The following PCDHGA11 variants were observed in gnomAD, a reference collection of about 807,000 sequenced individuals.
PCDHGA11 encodes protocadherin gamma subfamily A, 11.
Under a neutral mutation model 60.4 loss-of-function variants are expected in PCDHGA11, and 39 were observed. That is an observed-to-expected ratio of 0.65 (90% CI 0.50 to 0.84). The LOEUF (loss-of-function observed/expected upper bound fraction) is 0.84, where lower values mean the gene tolerates loss of function less well. Ranked by LOEUF, PCDHGA11 falls within the 40% of genes least tolerant of loss-of-function variation. PCDHGA11 has a pLI of 0.00. For synonymous variants in PCDHGA11, 533 were observed against 510.3 expected, an observed-to-expected ratio of 1.04 and a Z score of -0.60; for missense variants, 1,165 against 1,197.7, an observed-to-expected ratio of 0.97 and a Z score of 0.40.
chr5:141,495,069 T>G (rs1179878936), intron 2 of PCDHGA11, among the ~76,000 whole-genome samples: 1 of 152,142 alleles, frequency 6.6e-6, no homozygotes, highest in African/African-American at 2.4e-5. Flanking sequence ...GGAAGCTCAA[T>G]TCACATGCTT....
At position 141,505,489 on chromosome 5, in the gene PCDHGA11, G is replaced by A. The variant is rs759637750; in HGVS notation, c.2581+8G>A. On this transcript the variant is annotated splice_region_variant and intron_variant, in intron 3 of 3. Coordinates refer to ENST00000398587, the MANE Select transcript of PCDHGA11 (RefSeq NM_018914.3). ...TCTTGGCGTCCGCCAGTGGTAAGTG[G>A]TGTCAGTGTGTGTATGGAAGAGTGG... The A allele has an allele frequency of 6.2e-7, 1 of 1,614,218 alleles. No homozygotes were observed. The highest frequency in any genetic ancestry group is 1.7e-5 in the Admixed American group (1 of 60,032).
intron 1 of PCDHGA11, chr5:141,478,196 C>T: frequency 6.2e-7 from 1 of 1,614,068 alleles, no homozygotes; most frequent in Middle Eastern, 1.6e-4. Context: ...CACCTTTTAT[C>T]TACTTCTTTC....
chr5:141,497,775 A>G (rs2099779384), intron 2 of PCDHGA11, among the ~76,000 whole-genome samples: 2 of 152,054 alleles, frequency 1.3e-5, no homozygotes, highest in South Asian at 4.2e-4. Context: ...CCCGACCTCA[A>G]CTGATCCACC....
At chr5:141,445,342 T>C (rs1026595756) in intron 1 of PCDHGA11, among the ~76,000 whole-genome samples, 4 of 152,202 alleles carry the variant, frequency 2.6e-5, no homozygotes, top group African/African-American at 9.6e-5. Flanking sequence ...ACAGTAAACA[T>C]TGGTGTCTGC....
chr5:141,484,552 G>T (rs2099597743), intron 1 of PCDHGA11, among the ~76,000 whole-genome samples: 1 of 152,138 alleles, frequency 6.6e-6, no homozygotes, highest in African/African-American at 2.4e-5. Context: ...CTAATTAGCA[G>T]TTGCTCCAAT....
intron 1 of PCDHGA11, among the ~76,000 whole-genome samples, chr5:141,484,170 A>G (rs962978452): frequency 6.6e-6 from 1 of 152,210 alleles, no homozygotes; most frequent in Non-Finnish European, 1.5e-5. Context: ...TTGGTAGCTG[A>G]TCTCAATCAT....
intron 2 of PCDHGA11, 40 bp from the exon 3 acceptor site, chr5:141,505,353 G>T (rs376781305): frequency 1.7e-5 from 27 of 1,613,426 alleles, no homozygotes; most frequent in Non-Finnish European, 2.0e-5. Flanking sequence ...GAGCTGTGCC[G>T]GCCTGGGAGT....
At chr5:141,481,844 G>A (rs552753850) in intron 1 of PCDHGA11, among the ~76,000 whole-genome samples, 7 of 151,350 alleles carry the variant, frequency 4.6e-5, no homozygotes, top group Admixed American at 1.3e-4. Context: ...TCGCTTGATG[G>A]TGGAGGTTGC....
At position 141,489,774 on chromosome 5, in the gene PCDHGA11, C is replaced by T; in HGVS notation, c.2434-5033C>T. The T allele has an allele frequency of 1.2e-6, 2 of 1,614,164 alleles. No homozygotes were observed. Among genetic ancestry groups the T allele is most frequent in the Non-Finnish European group, 8.5e-7 (1 of 1,179,998 alleles). On this transcript the variant is annotated intron_variant, in intron 1 of 3. Transcript: ENST00000398587. The surrounding 1 kb of genome is among the most constrained non-coding windows in gnomAD (Gnocchi z 4.5). The stretch of plus-strand genomic sequence containing the variant: ...ACACTCTAAGCCCCAACAGCCACTT[C>T]TCTCTGAATGTGAAGACCCTAAAAG...
At chr5:141,429,091 T>A (rs985605582) in intron 1 of PCDHGA11, 2 of 152,160 alleles carry the variant, frequency 1.3e-5, no homozygotes, top group African/African-American at 4.8e-5. Flanking sequence ...CCTGACCTCG[T>A]GATCTGCCCG....
Position 141,495,011 on chromosome 5 carries a change from G to A in PCDHGA11, c.2492+146G>A, listed in dbSNP as rs2099758277. On this transcript the variant is annotated intron_variant, in intron 2 of 3. Coordinates refer to ENST00000398587, the MANE Select transcript of PCDHGA11 (RefSeq NM_018914.3). ...CCAGGGAGGTCTTGGTGTGCGGGGG[G>A]CTGGCACACAGACCCCGGAAGGAAG... is the stretch of plus-strand genomic sequence containing the variant. 4.6e-6 allele frequency: 7 copies of A among 1,512,044 alleles called. No individual in the cohort carries two copies. In the East Asian group the frequency reaches 1.5e-4, roughly 32 times the overall value. 93.7% of individuals were successfully genotyped at this position (1,512,044 alleles called of 1,614,324 possible).
chr5:141,436,384 C>A lies in PCDHGA11; in HGVS notation c.2433+12724C>A, dbSNP rs1048094484. 2.6e-5 allele frequency among the ~76,000 whole-genome samples: 4 copies of A among 152,222 alleles called. 1 individual carries two copies. Among genetic ancestry groups the A allele is most frequent in the Non-Finnish European group, 4.4e-5 (3 of 67,978 alleles). On this transcript the variant is annotated intron_variant, in intron 1 of 3. Coordinates refer to ENST00000398587, the MANE Select transcript of PCDHGA11 (RefSeq NM_018914.3). The stretch of plus-strand genomic sequence containing the variant: ...ATGTTTCCAGTTTAAGCTGAATAGG[C>A]TTTATTAAATAGTTGTTGAATGAAT...
chr5:141,480,122 C>T (rs576224922), intron 1 of PCDHGA11, among the ~76,000 whole-genome samples: 1 of 151,948 alleles, frequency 6.6e-6, no homozygotes, highest in African/African-American at 2.4e-5. Flanking sequence ...CCTGGCATAT[C>T]ATAACTGTTA....
intron 1 of PCDHGA11, chr5:141,478,871 T>C: frequency 2.4e-6 from 3 of 1,274,796 alleles, no homozygotes; most frequent in Non-Finnish European, 3.1e-6. Flanking sequence ...GCGATCAGAG[T>C]TTAGCTTGGT....
At position 141,486,370 on chromosome 5, in the gene PCDHGA11, T is replaced by C. The variant is rs755925357; in HGVS notation, c.2434-8437T>C. Reference sequence around the variant, plus strand: ...ACCACTTGCCATTTGCCCTCAAGTCTGCCTTCAGGAACCAGTTCTCCCTGG... The same window carrying C: ...ACCACTTGCCATTTGCCCTCAAGTCCGCCTTCAGGAACCAGTTCTCCCTGG... On this transcript the variant is annotated intron_variant, in intron 1 of 3. Coordinates refer to ENST00000398587, the MANE Select transcript of PCDHGA11 (RefSeq NM_018914.3). The surrounding 1 kb of genome is among the most constrained non-coding windows in gnomAD (Gnocchi z 5.0). 8 of 1,613,988 alleles carry C rather than the reference T, an allele frequency of 5.0e-6. No individual in the cohort carries two copies. The Admixed American group carries it at 1.3e-4, about 27-fold the overall frequency.
intron 1 of PCDHGA11, among the ~76,000 whole-genome samples, chr5:141,461,148 A>G (rs1293565790): frequency 1.3e-5 from 2 of 152,090 alleles, no homozygotes; most frequent in Non-Finnish European, 2.9e-5. Context: ...CTTTGGGTAG[A>G]TACCCAATAG....
chr5:141,485,797 C>T lies in PCDHGA11; in HGVS notation c.2434-9010C>T. 1 of 1,614,228 alleles carries T rather than the reference C, an allele frequency of 6.2e-7. No homozygotes were observed. Among genetic ancestry groups the T allele is most frequent in the South Asian group, 1.1e-5 (1 of 91,092 alleles). On this transcript the variant is annotated intron_variant, in intron 1 of 3. Coordinates refer to ENST00000398587, the MANE Select transcript of PCDHGA11 (RefSeq NM_018914.3). This position sits in a 1 kb window ranked among gnomAD's most constrained non-coding sequence, Gnocchi z 5.7. ...TGGATCGAGAGAAGCAATCGGACTACCGCCTGGTGCTGACTGCTGTCGATG... is the reference window on the plus strand; with the variant it reads ...TGGATCGAGAGAAGCAATCGGACTATCGCCTGGTGCTGACTGCTGTCGATG...
chr5:141,459,284 A>C (rs2098965103), intron 1 of PCDHGA11, among the ~76,000 whole-genome samples: 1 of 152,174 alleles, frequency 6.6e-6, no homozygotes, highest in African/African-American at 2.4e-5. Flanking sequence ...ATTTCATCTA[A>C]ATGGAATCCT....
In PCDHGA11 at chr5:141,486,172, T is replaced by C; in HGVS notation, c.2434-8635T>C. ...GGGGTTCTCCAGCCATGGAGCAACA[T>C]TGCAGCCTTCGAGTGGATCTGCTGG... On this transcript the variant is annotated intron_variant, in intron 1 of 3. Transcript: ENST00000398587. The surrounding 1 kb of genome is among the most constrained non-coding windows in gnomAD (Gnocchi z 5.0). 3 of 1,614,212 alleles carry C rather than the reference T, an allele frequency of 1.9e-6. No homozygotes were observed. Among genetic ancestry groups the C allele is most frequent in the Admixed American group, 1.7e-5 (1 of 60,036 alleles).
Sources: allele counts gnomAD v4.1 joint callset (sites outside exome capture counted in the v4.1 genomes callset), GRCh38; gene constraint gnomAD v4.1.1; non-coding constraint Gnocchi (gnomAD v3.1); transcripts MANE v1.5; gene names NCBI Gene and HGNC (gene_info 2026-07-23, HGNC 2026-07-21).